Variants in VDAC1 observed in about 807,000 individuals in gnomAD.
The protein encoded by VDAC1 is voltage dependent anion channel 1, also known as non-selective voltage-gated ion channel VDAC1.
A neutral mutation model predicts 34.7 loss-of-function variants in VDAC1; 10 were observed. The observed-to-expected ratio is 0.29, with a 90% CI of 0.18 to 0.49. The LOEUF (loss-of-function observed/expected upper bound fraction) is 0.49, where lower values mean the gene tolerates loss of function less well. Among genes scored for constraint, VDAC1 ranks in the 20% least tolerant of loss-of-function variants. The probability of loss-of-function intolerance (pLI) is 0.99; values close to 1 mark genes in which losing one functional copy is unlikely to be tolerated. For missense variants in VDAC1, 230 were observed against 347.9 expected (o/e 0.66, Z 2.69); for synonymous variants, 130 against 136.0 (o/e 0.96, Z 0.30).
the VDAC1 span, among the ~76,000 whole-genome samples, chr5:134,113,853 A>G: frequency 3.9e-5 from 6 of 152,182 alleles, no homozygotes; most frequent in Non-Finnish European, 2.9e-5. Context: ...CCTAAATGCG[A>G]CTTCTAGGGT....
chr5:134,107,630 T>C, the VDAC1 span, among the ~76,000 whole-genome samples: 1 of 152,160 alleles, frequency 6.6e-6, no homozygotes, highest in Admixed American at 6.5e-5. Flanking sequence ...CCCTGCAAGA[T>C]TGCAGGATTG....
At chr5:134,000,304 G>A (rs1419725308) in intron 1 of VDAC1, among the ~76,000 whole-genome samples, 2 of 152,180 alleles carry the variant, frequency 1.3e-5, no homozygotes, top group African/African-American at 4.8e-5. Flanking sequence ...GTGGGCAGTA[G>A]AGCTTTCCAG....
At chr5:133,985,326 T>C (rs994948491) in intron 5 of VDAC1, among the ~76,000 whole-genome samples, 4 of 152,242 alleles carry the variant, frequency 2.6e-5, no homozygotes, top group African/African-American at 9.6e-5. Context: ...TTGGCAAGGT[T>C]TGAAGGAAAG....
At chr5:134,042,537 T>C in the VDAC1 span, among the ~76,000 whole-genome samples, 1 of 152,140 alleles carries the variant, frequency 6.6e-6, no homozygotes. Flanking sequence ...TCTCTTAGCC[T>C]CTCCAGAGTG....
At chr5:134,083,991 T>C in the VDAC1 span, among the ~76,000 whole-genome samples, 2 of 152,216 alleles carry the variant, frequency 1.3e-5, no homozygotes, top group Non-Finnish European at 1.5e-5. Context: ...CTCAGGCATG[T>C]GGCATGAGCC....
the VDAC1 span, among the ~76,000 whole-genome samples, chr5:134,044,333 CG>C: frequency 6.6e-6 from 1 of 152,260 alleles, no homozygotes; most frequent in Non-Finnish European, 1.5e-5. Context: ...GTCTGCACAA[CG>C]GCCCCTCCAA....
At chr5:133,983,471 A>G (rs1752778580) in intron 5 of VDAC1, among the ~76,000 whole-genome samples, 1 of 152,160 alleles carries the variant, frequency 6.6e-6, no homozygotes, top group Non-Finnish European at 1.5e-5. Context: ...GTTGGTAACT[A>G]TCAAAGCTGT....
the VDAC1 span, among the ~76,000 whole-genome samples, chr5:134,099,670 T>C: frequency 6.6e-6 from 1 of 152,202 alleles, no homozygotes; most frequent in African/African-American, 2.4e-5. Context: ...AGCGTTGACC[T>C]CTTTGGCTTA....
chr5:134,072,109 G>C, the VDAC1 span, among the ~76,000 whole-genome samples: 5 of 152,062 alleles, frequency 3.3e-5, no homozygotes, highest in Non-Finnish European at 7.4e-5. Context: ...CCGATTCCAG[G>C]GAATGCAAAG....
At chr5:134,100,031 G>A in the VDAC1 span, among the ~76,000 whole-genome samples, 1 of 152,258 alleles carries the variant, frequency 6.6e-6, no homozygotes, top group African/African-American at 2.4e-5. Context: ...CGCCCTGTGA[G>A]CCCAGCCTTA....
At chr5:134,010,596 C>G in the VDAC1 span, among the ~76,000 whole-genome samples, 1 of 152,066 alleles carries the variant, frequency 6.6e-6, no homozygotes, top group Non-Finnish European at 1.5e-5. Flanking sequence ...GAGACTTTGT[C>G]TCAAAACAAC....
At chr5:134,050,444 C>A in the VDAC1 span, among the ~76,000 whole-genome samples, 1 of 152,122 alleles carries the variant, frequency 6.6e-6, no homozygotes, top group Non-Finnish European at 1.5e-5. Flanking sequence ...TGAAGAGAAG[C>A]CCCATTTACA....
At chr5:134,103,564 G>A in the VDAC1 span, among the ~76,000 whole-genome samples, 1 of 152,194 alleles carries the variant, frequency 6.6e-6, no homozygotes, top group East Asian at 1.9e-4. Context: ...GGTGCCCTGA[G>A]TACTTCGAGA....
At chr5:134,059,842 A>G in the VDAC1 span, among the ~76,000 whole-genome samples, 10 of 146,018 alleles carry the variant, frequency 6.8e-5, no homozygotes, top group East Asian at 1.7e-3. Context: ...TTTGTTATAC[A>G]TGTTTGATTG....
the VDAC1 span, among the ~76,000 whole-genome samples, chr5:134,074,359 C>A: frequency 6.7e-6 from 1 of 149,498 alleles, no homozygotes; most frequent in Non-Finnish European, 1.5e-5. Context: ...TAAATAAAAG[C>A]TTTGAAATGA....
Position 133,980,690 on chromosome 5 carries a change from C to CG in VDAC1, c.551+38_551+39insC. On this transcript the variant is annotated intron_variant, in intron 6 of 8. Coordinates refer to ENST00000265333, the MANE Select transcript of VDAC1 (RefSeq NM_003374.3). Reference sequence around the variant, plus strand: ...AATCCCCTTACCACACATGCTCCAACCCCACCCCTCCCACCCTGCTGCCCC... The same window carrying CG: ...AATCCCCTTACCACACATGCTCCAACGCCCACCCCTCCCACCCTGCTGCCCC... 2.5e-4 allele frequency: 98 copies of CG among 386,672 alleles called. 1 individual carries two copies. Among genetic ancestry groups the CG allele is most frequent in the East Asian group, 7.5e-4 (11 of 14,646 alleles). 24.0% of individuals were successfully genotyped at this position (386,672 alleles called of 1,614,324 possible).
In VDAC1 at chr5:133,981,157, C is replaced by T. The variant is rs189264131; in HGVS notation, c.324-201G>A. The T allele has an allele frequency of 1.2e-5, 7 of 581,170 alleles. No homozygotes were observed. In the East Asian group the frequency reaches 1.7e-4, roughly 14 times the overall value. The allele number at this position is 581,170 out of a possible 1,614,324, so 36.0% of individuals were successfully genotyped here. ...TCCACAGGGACTCAGTCTGCAGAAA[C>T]CCCACAATAACGAAGTGAGAACACA... On this transcript the variant is annotated intron_variant, in intron 5 of 8. Coordinates refer to ENST00000265333, the MANE Select transcript of VDAC1 (RefSeq NM_003374.3).
the VDAC1 span, among the ~76,000 whole-genome samples, chr5:134,019,772 G>C: frequency 4.0e-3 from 615 of 152,270 alleles, 1 homozygote; most frequent in Non-Finnish European, 6.1e-3. Context: ...TCTCCTGGCT[G>C]ACTGAGGCCT....
the VDAC1 span, among the ~76,000 whole-genome samples, chr5:134,080,941 A>G: frequency 6.6e-6 from 1 of 151,818 alleles, no homozygotes; most frequent in Admixed American, 6.6e-5. Flanking sequence ...CAATGGCGCA[A>G]TCTCGGTTCA....
Sources: allele counts gnomAD v4.1 joint callset (sites outside exome capture counted in the v4.1 genomes callset), GRCh38; gene constraint gnomAD v4.1.1; transcripts MANE v1.5; gene names NCBI Gene and HGNC (gene_info 2026-07-23, HGNC 2026-07-21).